Variants in MYT1L observed in about 807,000 individuals in gnomAD.
MYT1L encodes the protein myelin transcription factor 1-like protein.
MYT1L carries 12 observed loss-of-function variants against 126.7 expected under a neutral mutation model. That is an observed-to-expected ratio of 0.09 (90% confidence interval 0.06 to 0.15). MYT1L has a LOEUF of 0.15. Among genes scored for constraint, MYT1L ranks in the 10% least tolerant of loss-of-function variants. The pLI, the probability that MYT1L is intolerant of heterozygous loss-of-function variation, is 1.00. For missense variants in MYT1L, 979 were observed against 1,585.2 expected (o/e 0.62, Z 6.49); for synonymous variants, 541 against 604.2 (o/e 0.90, Z 1.53).
At chr2:2,219,569 C>G (rs2093794289) in intron 2 of MYT1L, among the ~76,000 whole-genome samples, 1 of 152,226 alleles carries the variant, frequency 6.6e-6, no homozygotes, top group Non-Finnish European at 1.5e-5. Context: ...TTATACTGGT[C>G]CAAGCAAGCA....
chr2:2,193,596 T>A (rs1042781050), intron 2 of MYT1L, among the ~76,000 whole-genome samples: 3 of 152,202 alleles, frequency 2.0e-5, no homozygotes, highest in African/African-American at 4.8e-5. Context: ...ACTTCAACCA[T>A]ACAATCTATA....
chr2:2,204,765 T>C (rs896382129), intron 2 of MYT1L, among the ~76,000 whole-genome samples: 1 of 151,942 alleles, frequency 6.6e-6, no homozygotes, highest in African/African-American at 2.4e-5. Context: ...TTACTGGGTA[T>C]ATACCCAAAG....
rs545751458 is a variant in MYT1L at position 2,202,440 on chromosome 2, A to G, written c.-420-29452T>C. Among the ~76,000 whole-genome samples the G allele has an allele frequency of 3.9e-4, 60 of 152,314 alleles. 1 individual carries two copies. Among genetic ancestry groups the G allele is most frequent in the Non-Finnish European group, 1.5e-5 (1 of 68,028 alleles). On this transcript the variant is annotated intron_variant, in intron 2 of 24. Transcript: ENST00000647738. The stretch of plus-strand genomic sequence containing the variant: ...TGCAATAGAAAATGATAAAGGGGAC[A>G]TCACCACCGATCCTACAGAAATACA...
At chr2:2,232,210 G>A (rs1310490072) in intron 2 of MYT1L, among the ~76,000 whole-genome samples, 1 of 152,254 alleles carries the variant, frequency 6.6e-6, no homozygotes, top group East Asian at 1.9e-4. Context: ...GTTTGGTGAA[G>A]AGGGGACAGT....
chr2:2,001,237 C>CTTTTTTTTTTTTTTTTTCTTT (rs11389323), intron 4 of MYT1L, among the ~76,000 whole-genome samples: 2 of 103,908 alleles, frequency 1.9e-5, no homozygotes, highest in African/African-American at 3.8e-5. Flanking sequence ...TTGGTTTTAG[C>CTTTTTTTTTTTTTTTTTCTTT]TTTTTTTTTT....
chr2:2,171,851 T>G (rs1572110992), intron 3 of MYT1L, among the ~76,000 whole-genome samples: 2 of 152,060 alleles, frequency 1.3e-5, no homozygotes. Context: ...GCCTCTAATT[T>G]CTGTGCAGTG....
At chr2:2,200,717 T>A (rs2093032769) in intron 2 of MYT1L, among the ~76,000 whole-genome samples, 1 of 152,194 alleles carries the variant, frequency 6.6e-6, no homozygotes, top group Non-Finnish European at 1.5e-5. Context: ...GGCCACATTT[T>A]TCTACTCTTC....
intron 2 of MYT1L, among the ~76,000 whole-genome samples, chr2:2,202,440 A>T (rs545751458): frequency 6.6e-6 from 1 of 152,314 alleles, no homozygotes; most frequent in Admixed American, 6.5e-5. Flanking sequence ...TAAAGGGGAC[A>T]TCACCACCGA....
intron 8 of MYT1L, among the ~76,000 whole-genome samples, chr2:1,956,784 G>A (rs1321990072): frequency 6.6e-6 from 1 of 151,984 alleles, no homozygotes; most frequent in African/African-American, 2.4e-5. Flanking sequence ...GATAATACTG[G>A]TTTTGGACAG....
chr2:2,194,504 C>T (rs951086331), intron 2 of MYT1L, among the ~76,000 whole-genome samples: 6 of 152,114 alleles, frequency 3.9e-5, no homozygotes, highest in South Asian at 2.1e-4. Flanking sequence ...GAGAAAGGTG[C>T]GACATTCCTC....
At chr2:2,132,157 T>C (rs1482895764) in intron 3 of MYT1L, among the ~76,000 whole-genome samples, 2 of 152,020 alleles carry the variant, frequency 1.3e-5, no homozygotes, top group Non-Finnish European at 1.5e-5. Flanking sequence ...TCTGCCCACC[T>C]TGACCTCCCA....
intron 3 of MYT1L, among the ~76,000 whole-genome samples, chr2:2,150,981 G>T (rs1241620416): frequency 6.6e-6 from 1 of 152,062 alleles, no homozygotes; most frequent in Non-Finnish European, 1.5e-5. Flanking sequence ...AAATTTCAAG[G>T]CTGGCTCTGA....
chr2:2,026,953 G>A (rs551935994), intron 4 of MYT1L, among the ~76,000 whole-genome samples: 31 of 152,254 alleles, frequency 2.0e-4, no homozygotes, highest in Admixed American at 5.2e-4. Flanking sequence ...CACGACCAGC[G>A]GAGCCCACAG....
chr2:1,930,761 G>T (rs954525910), intron 9 of MYT1L, among the ~76,000 whole-genome samples: 1 of 152,150 alleles, frequency 6.6e-6, no homozygotes, highest in Non-Finnish European at 1.5e-5. Flanking sequence ...AAAATATTTA[G>T]GATTGACTGG....
chr2:1,898,439 G>T (rs756438670), intron 14 of MYT1L, among the ~76,000 whole-genome samples: 2 of 152,210 alleles, frequency 1.3e-5, no homozygotes, highest in African/African-American at 2.4e-5. Flanking sequence ...AAGGCACACG[G>T]TCTACTTGCT....
intron 2 of MYT1L, among the ~76,000 whole-genome samples, chr2:2,277,324 T>G (rs990800639): frequency 1.2e-4 from 19 of 152,210 alleles, no homozygotes; most frequent in Admixed American, 1.0e-3. Flanking sequence ...TTTTCACCCT[T>G]CATACCCGAT....
At chr2:2,118,587 T>C (rs150857399) in intron 3 of MYT1L, among the ~76,000 whole-genome samples, 6 of 152,308 alleles carry the variant, frequency 3.9e-5, no homozygotes, top group African/African-American at 7.2e-5. Flanking sequence ...CTTGTGCTTG[T>C]CAAAATATTT....
chr2:1,983,791 C>T (rs926519617), intron 5 of MYT1L, among the ~76,000 whole-genome samples: 3 of 152,208 alleles, frequency 2.0e-5, no homozygotes, highest in African/African-American at 7.2e-5. Context: ...ATGGCTCAGT[C>T]GCGTTTTCTA....
chr2:1,934,074 A>T (rs2055415047), intron 9 of MYT1L, among the ~76,000 whole-genome samples: 1 of 144,794 alleles, frequency 6.9e-6, no homozygotes, highest in African/African-American at 2.6e-5. Flanking sequence ...TCCCAGGTTC[A>T]CGCCATGCTC....
Sources: gnomAD v4.1 joint callset for allele counts (sites outside exome capture counted in the v4.1 genomes callset) on GRCh38, gnomAD v4.1.1 for gene constraint, MANE v1.5 for transcripts, NCBI Gene and HGNC (gene_info 2026-07-23, HGNC 2026-07-21) for gene names.